SMURF2: variants seen among roughly 807,000 people sequenced by gnomAD.
SMURF2 encodes the protein SMAD specific E3 ubiquitin protein ligase 2.
In SMURF2, 48 loss-of-function variants were observed where a neutral mutation model predicts 109.6. The observed-to-expected ratio is 0.44, with a 90% CI of 0.35 to 0.56. The LOEUF (loss-of-function observed/expected upper bound fraction) is 0.56, where lower values mean the gene tolerates loss of function less well. Ranked by LOEUF, SMURF2 falls within the 20% of genes least tolerant of loss-of-function variation. SMURF2 has a pLI of 0.01. For synonymous variants in SMURF2, 288 were observed against 317.1 expected (o/e 0.91, Z 0.97); for missense variants, 575 against 909.0 (o/e 0.63, Z 4.72).
intron 9 of SMURF2, among the ~76,000 whole-genome samples, chr17:64,576,645 C>A (rs1476449737): frequency 6.6e-6 from 1 of 150,956 alleles, no homozygotes; most frequent in African/African-American, 2.5e-5. Context: ...GCCTGGACAA[C>A]AGAATGAGAC....
At chr17:64,651,227 G>T (rs1970634870) in intron 1 of SMURF2, among the ~76,000 whole-genome samples, 1 of 148,402 alleles carries the variant, frequency 6.7e-6, no homozygotes, top group Non-Finnish European at 1.5e-5. Context: ...ATATATATAT[G>T]CTTACATTTT....
At position 64,662,007 on chromosome 17, in the gene SMURF2, G is replaced by A. The variant is rs1970787822; in HGVS notation, c.-127C>T. 3.6e-6 allele frequency: 4 copies of A among 1,112,956 alleles called. No individual in the cohort carries two copies. Among genetic ancestry groups the A allele is most frequent in the Non-Finnish European group, 3.3e-6 (3 of 912,472 alleles). The allele number at this position is 1,112,956 out of a possible 1,614,324, so 68.9% of individuals were successfully genotyped here. ...GCGCCTCGGCCGCCACGGCCGGAGGGTCCCGGATGTGCCGAGAGTCGTCGC... is the reference window on the plus strand; with the variant it reads ...GCGCCTCGGCCGCCACGGCCGGAGGATCCCGGATGTGCCGAGAGTCGTCGC... On this transcript the variant is annotated 5_prime_UTR_variant, in exon 1 of 19. Coordinates refer to ENST00000262435, the MANE Select transcript of SMURF2 (RefSeq NM_022739.4).
intron 1 of SMURF2, among the ~76,000 whole-genome samples, chr17:64,618,592 C>A (rs1555690310): frequency 6.6e-6 from 1 of 152,210 alleles, no homozygotes; most frequent in Non-Finnish European, 1.5e-5. Flanking sequence ...ACCTTCTCTA[C>A]TGGACTCCTT....
At chr17:64,589,496 G>T (rs545302615) in intron 5 of SMURF2, among the ~76,000 whole-genome samples, 14 of 151,752 alleles carry the variant, frequency 9.2e-5, no homozygotes, top group African/African-American at 2.9e-4. Flanking sequence ...ATGGATGGGT[G>T]GGGTATTGGT....
intron 1 of SMURF2, among the ~76,000 whole-genome samples, chr17:64,621,212 A>G (rs1555690564): frequency 6.6e-6 from 1 of 152,230 alleles, no homozygotes; most frequent in Admixed American, 6.5e-5. Flanking sequence ...GTGCAAAGGT[A>G]TTTAGCTTTC....
intron 1 of SMURF2, among the ~76,000 whole-genome samples, chr17:64,628,162 C>G (rs1216156446): frequency 6.6e-6 from 1 of 152,130 alleles, no homozygotes; most frequent in Non-Finnish European, 1.5e-5. Flanking sequence ...TTGTTTGAAG[C>G]CTTCTGGTTT....
chr17:64,552,636 T>A (rs553181062), intron 15 of SMURF2, among the ~76,000 whole-genome samples: 5 of 152,262 alleles, frequency 3.3e-5, no homozygotes, highest in East Asian at 1.9e-4. Flanking sequence ...AGGGACTGAG[T>A]AGGACACACG....
intron 1 of SMURF2, among the ~76,000 whole-genome samples, chr17:64,661,016 G>T (rs888008817): frequency 6.6e-6 from 1 of 152,092 alleles, no homozygotes; most frequent in African/African-American, 2.4e-5. Flanking sequence ...AATGGGGAGG[G>T]TGGGGAGAGT....
In SMURF2 at chr17:64,545,039, T is replaced by A. The variant is rs905416487; in HGVS notation, c.*809A>T. On this transcript the variant is annotated 3_prime_UTR_variant, in exon 19 of 19. Coordinates refer to ENST00000262435, the MANE Select transcript of SMURF2 (RefSeq NM_022739.4). ...TTAAAAGTAAATCCAAAATACCTAATCATATTGACTCAAGATAAAAACATT... is the reference window on the plus strand; with the variant it reads ...TTAAAAGTAAATCCAAAATACCTAAACATATTGACTCAAGATAAAAACATT... 1.3e-5 allele frequency: 2 copies of A among 151,332 alleles called. No homozygotes were observed. Among genetic ancestry groups the A allele is most frequent in the African/African-American group, 2.4e-5 (1 of 41,198 alleles). 9.4% of individuals were successfully genotyped at this position (151,332 alleles called of 1,614,324 possible).
intron 1 of SMURF2, among the ~76,000 whole-genome samples, chr17:64,624,022 AAAC>A (rs1970236306): frequency 6.6e-6 from 1 of 152,218 alleles, no homozygotes; most frequent in Non-Finnish European, 1.5e-5. Context: ...TGGTTCTACT[AAAC>A]AACTTTATGA....
intron 7 of SMURF2, among the ~76,000 whole-genome samples, chr17:64,582,214 T>C (rs1488422266): frequency 6.6e-6 from 1 of 152,178 alleles, no homozygotes; most frequent in Non-Finnish European, 1.5e-5. Flanking sequence ...AATTATAATG[T>C]AAAAGAGAAA....
At chr17:64,599,302 C>T (rs1194179471) in intron 2 of SMURF2, among the ~76,000 whole-genome samples, 1 of 151,950 alleles carries the variant, frequency 6.6e-6, no homozygotes, top group African/African-American at 2.4e-5. Flanking sequence ...AGATTCTAAA[C>T]CCATGTCTGG....
intron 1 of SMURF2, among the ~76,000 whole-genome samples, chr17:64,619,393 G>A (rs1026679235): frequency 7.6e-5 from 11 of 143,976 alleles, no homozygotes; most frequent in African/African-American, 2.6e-4. Flanking sequence ...CAGGAGAATC[G>A]CCTGAACCCG....
intron 1 of SMURF2, among the ~76,000 whole-genome samples, chr17:64,658,295 T>G (rs951516570): frequency 1.3e-5 from 2 of 152,124 alleles, no homozygotes; most frequent in African/African-American, 4.8e-5. Context: ...AGGTGGAGGT[T>G]GCAGTGGGCC....
chr17:64,622,414 C>CTG (rs1970218462), intron 1 of SMURF2, among the ~76,000 whole-genome samples: 2 of 152,124 alleles, frequency 1.3e-5, no homozygotes, highest in Non-Finnish European at 2.9e-5. Flanking sequence ...TTTTTACATA[C>CTG]TGTAGAACAC....
intron 6 of SMURF2, among the ~76,000 whole-genome samples, chr17:64,585,803 A>T (rs1392523534): frequency 1.3e-5 from 2 of 152,184 alleles, no homozygotes; most frequent in African/African-American, 4.8e-5. Context: ...ATCAAGCAAC[A>T]TTTTTTTAAC....
intron 9 of SMURF2, among the ~76,000 whole-genome samples, chr17:64,577,178 T>C (rs1165591992): frequency 6.6e-6 from 1 of 151,964 alleles, no homozygotes; most frequent in Non-Finnish European, 1.5e-5. Flanking sequence ...CCATCAATGA[T>C]AGACTGGATT....
intron 2 of SMURF2, among the ~76,000 whole-genome samples, chr17:64,601,091 C>T (rs1443395369): frequency 1.3e-5 from 2 of 151,880 alleles, no homozygotes; most frequent in Non-Finnish European, 2.9e-5. Context: ...CCATCCCCCA[C>T]AAAATAATTT....
intron 12 of SMURF2, 26 bp from the exon 13 acceptor site, chr17:64,557,748 A>AT (rs782450133): frequency 2.9e-6 from 4 of 1,373,590 alleles, no homozygotes; most frequent in Non-Finnish European, 4.1e-6. Flanking sequence ...TGACCAAGGA[A>AT]TTTTTTTGTT....
Sources: gnomAD v4.1 joint callset for allele counts (sites outside exome capture counted in the v4.1 genomes callset) on GRCh38, gnomAD v4.1.1 for gene constraint, MANE v1.5 for transcripts, NCBI Gene and HGNC (gene_info 2026-07-23, HGNC 2026-07-21) for gene names.